The following DLC1 variants were observed in gnomAD, a reference collection of about 807,000 sequenced individuals.
DLC1 encodes the protein rho GTPase-activating protein 7.
In DLC1, 54 loss-of-function variants were observed where a neutral mutation model predicts 140.3. The observed-to-expected ratio is 0.38, with a 90% CI of 0.31 to 0.48. The LOEUF (loss-of-function observed/expected upper bound fraction) is 0.48, where lower values mean the gene tolerates loss of function less well. Ranked by LOEUF, DLC1 falls within the 20% of genes least tolerant of loss-of-function variation. The pLI is 0.96. For synonymous variants in DLC1, 986 were observed against 728.1 expected (o/e 1.35, Z -5.70); for missense variants, 2,536 against 1,907.0 (o/e 1.33, Z -6.14).
At chr8:13,406,218 C>T (rs2117275322) in intron 2 of DLC1, among the ~76,000 whole-genome samples, 2 of 123,252 alleles carry the variant, frequency 1.6e-5, no homozygotes, top group South Asian at 5.7e-4. Context: ...CAGGGTTTCA[C>T]TGTGTTGGCC....
At chr8:13,558,846 G>A (rs915167360) in intron 1 of DLC1, 1 of 152,122 alleles carries the variant, frequency 6.6e-6, no homozygotes, top group African/African-American at 2.4e-5. Flanking sequence ...AGATGAGTGA[G>A]TTCAGGAGGG....
At chr8:13,518,287 T>A (rs1254572995), upstream of DLC1, among the ~76,000 whole-genome samples, 1 of 152,102 alleles carries the variant, frequency 6.6e-6, no homozygotes, top group Non-Finnish European at 1.5e-5. Context: ...TTCTGTATTT[T>A]TAGTAGAGAC....
intron 2 of DLC1, among the ~76,000 whole-genome samples, chr8:13,461,110 T>TGA (rs1426563506): frequency 1.3e-5 from 2 of 152,192 alleles, no homozygotes; most frequent in African/African-American, 4.8e-5. Context: ...CTCTAGAGGC[T>TGA]GAGGCAAAAG....
intron 2 of DLC1, among the ~76,000 whole-genome samples, chr8:13,413,499 C>T (rs959962742): frequency 5.3e-5 from 8 of 149,838 alleles, no homozygotes; most frequent in Admixed American, 2.7e-4. Flanking sequence ...TGTGTGCACA[C>T]ATATATATAT....
intron 5 of DLC1, among the ~76,000 whole-genome samples, chr8:13,162,045 C>G (rs1348280): frequency 1.3e-5 from 2 of 151,978 alleles, no homozygotes; most frequent in Non-Finnish European, 2.9e-5. Flanking sequence ...TACAGCTGCA[C>G]TTCTGTAGGG....
intron 2 of DLC1, among the ~76,000 whole-genome samples, chr8:13,441,975 C>A (rs1798530803): frequency 6.6e-6 from 1 of 152,118 alleles, no homozygotes; most frequent in South Asian, 2.1e-4. Context: ...CTACAGTAAC[C>A]AAAACAGCAT....
rs1818269236 is a variant in DLC1, at chr8:13,093,637, CTGAT to C, written c.3527-816_3527-813del. Reference sequence around the variant, plus strand: ...CTCAAATGTAGCTCCATAGGACAAACTGATTAAACAGCTCCATGGTTACAGCACA... The same window carrying C: ...CTCAAATGTAGCTCCATAGGACAAACTAAACAGCTCCATGGTTACAGCACA... On this transcript the variant is annotated intron_variant, in intron 12 of 17. Coordinates refer to ENST00000276297, the MANE Select transcript of DLC1 (RefSeq NM_182643.3). Among the ~76,000 whole-genome samples, 4 of 152,268 alleles carry C rather than the reference CTGAT, an allele frequency of 2.6e-5. No individual in the cohort carries two copies. The South Asian group carries it at 8.3e-4, about 32-fold the overall frequency.
chr8:13,473,672 A>C (rs2117082335), intron 2 of DLC1, among the ~76,000 whole-genome samples: 1 of 152,312 alleles, frequency 6.6e-6, no homozygotes, highest in Non-Finnish European at 1.5e-5. Flanking sequence ...AATAAAGTCC[A>C]GGCTGAAGTG....
intron 4 of DLC1, among the ~76,000 whole-genome samples, chr8:13,372,607 C>A (rs1835776862): frequency 6.6e-6 from 1 of 152,162 alleles, no homozygotes; most frequent in African/African-American, 2.4e-5. Flanking sequence ...TTATCAGATA[C>A]AGTTCATGAA....
intron 1 of DLC1, chr8:13,559,482 T>C (rs1206654679): frequency 6.6e-6 from 1 of 152,226 alleles, no homozygotes; most frequent in African/African-American, 2.4e-5. Context: ...TATGCTTACT[T>C]TGAACACTTT....
chr8:13,487,390 A>C (rs543041134), intron 2 of DLC1, among the ~76,000 whole-genome samples: 2 of 152,254 alleles, frequency 1.3e-5, no homozygotes, highest in South Asian at 2.1e-4. Context: ...TTTGTGCCCT[A>C]AATTGACATT....
chr8:13,204,891 G>T (rs1371710324), intron 5 of DLC1, among the ~76,000 whole-genome samples: 1 of 152,282 alleles, frequency 6.6e-6, no homozygotes, highest in Non-Finnish European at 1.5e-5. Context: ...TAAGTGGAAA[G>T]AAAGCTTTTC....
intron 1 of DLC1, among the ~76,000 whole-genome samples, chr8:13,508,584 A>AT (rs935247881): frequency 2.0e-5 from 3 of 151,788 alleles, no homozygotes; most frequent in South Asian, 2.1e-4. Context: ...AGCCCGGCTA[A>AT]TTTTTTTGTA....
chr8:13,286,630 G>A (rs143130527), intron 5 of DLC1, among the ~76,000 whole-genome samples: 243 of 151,430 alleles, frequency 1.6e-3, no homozygotes, highest in African/African-American at 5.6e-3. Flanking sequence ...AAGTGAACAG[G>A]CATTTTGCTA....
intron 5 of DLC1, among the ~76,000 whole-genome samples, chr8:13,264,054 T>TATTTATA (rs1164074793): frequency 1.1e-4 from 17 of 148,960 alleles, no homozygotes; most frequent in African/African-American, 4.2e-4. Context: ...AAGAAGCTTT[T>TATTTATA]TATTTATTTA....
intron 1 of DLC1, among the ~76,000 whole-genome samples, chr8:13,578,094 T>C (rs1033113290): frequency 5.3e-5 from 8 of 152,140 alleles, no homozygotes; most frequent in Non-Finnish European, 1.2e-4. Flanking sequence ...GTGCGTCCAG[T>C]GAACCAACTC....
At chr8:13,596,138 T>G (rs1244717397) in intron 1 of DLC1, among the ~76,000 whole-genome samples, 1 of 152,072 alleles carries the variant, frequency 6.6e-6, no homozygotes, top group Non-Finnish European at 1.5e-5. Flanking sequence ...GTTAACATGC[T>G]AAATATATTA....
At chr8:13,150,636 G>A (rs1484763622) in intron 5 of DLC1, among the ~76,000 whole-genome samples, 1 of 152,218 alleles carries the variant, frequency 6.6e-6, no homozygotes, top group Admixed American at 6.5e-5. Flanking sequence ...CAGGCCTCTG[G>A]CTATGGCTTT....
intron 5 of DLC1, among the ~76,000 whole-genome samples, chr8:13,279,760 G>A (rs142940172): frequency 2.6e-5 from 4 of 152,222 alleles, no homozygotes; most frequent in African/African-American, 9.6e-5. Context: ...TGCTTTCTTT[G>A]TAGGCCACTA....
Sources: gnomAD v4.1 joint callset for allele counts (sites outside exome capture counted in the v4.1 genomes callset) on GRCh38, gnomAD v4.1.1 for gene constraint, MANE v1.5 for transcripts, NCBI Gene and HGNC (gene_info 2026-07-23, HGNC 2026-07-21) for gene names.